The following PCNX1 variants were observed in gnomAD, a reference collection of about 807,000 sequenced individuals.
PCNX1 encodes pecanex-like protein 1.
A neutral mutation model predicts 242.2 loss-of-function variants in PCNX1; 78 were observed. The ratio of observed to expected loss-of-function variants is 0.32; its 90% confidence interval spans 0.27 to 0.39. The LOEUF (loss-of-function observed/expected upper bound fraction) is 0.39. Ranked by LOEUF, PCNX1 falls within the 10% of genes least tolerant of loss-of-function variation. PCNX1 has a pLI of 1.00. For synonymous variants in PCNX1, 1,024 were observed against 1,032.9 expected, an observed-to-expected ratio of 0.99 and a Z score of 0.17; for missense variants, 2,581 against 2,856.5, an observed-to-expected ratio of 0.90 and a Z score of 2.20.
chr14:71,071,435 G>A (rs2061584238), intron 26 of PCNX1, among the ~76,000 whole-genome samples: 1 of 152,188 alleles, frequency 6.6e-6, no homozygotes, highest in South Asian at 2.1e-4. Context: ...GTAATACCCA[G>A]TGTTGGAGGA....
At chr14:71,018,971 C>G in intron 11 of PCNX1, 38 bp from the exon 12 acceptor site, 1 of 1,540,132 alleles carries the variant, frequency 6.5e-7, no homozygotes, top group East Asian at 2.3e-5. Flanking sequence ...ATTTCTTATA[C>G]TTAAGATATA....
intron 3 of PCNX1, among the ~76,000 whole-genome samples, chr14:70,966,454 G>A (rs185262759): frequency 2.0e-5 from 3 of 152,278 alleles, no homozygotes; most frequent in Admixed American, 1.3e-4. Flanking sequence ...TGAAAAGTTA[G>A]GAAGCAAGCA....
At chr14:70,982,961 C>T (rs2058883629) in intron 6 of PCNX1, among the ~76,000 whole-genome samples, 1 of 152,180 alleles carries the variant, frequency 6.6e-6, no homozygotes, top group Non-Finnish European at 1.5e-5. Flanking sequence ...GAGCTTAAAC[C>T]TAATGACTGT....
chr14:70,927,880 G>A (rs145036687), intron 1 of PCNX1, among the ~76,000 whole-genome samples: 1,888 of 152,116 alleles, frequency 0.012, 16 homozygotes, highest in African/African-American at 0.019. Context: ...GAGCCACTGC[G>A]CCAGGCCTGA....
At chr14:70,967,765 G>A (rs1355808374) in intron 3 of PCNX1, among the ~76,000 whole-genome samples, 2 of 152,182 alleles carry the variant, frequency 1.3e-5, no homozygotes, top group African/African-American at 2.4e-5. Context: ...ACTTTGTAGT[G>A]TATGTTAATG....
intron 2 of PCNX1, among the ~76,000 whole-genome samples, chr14:70,953,076 T>G (rs2057850449): frequency 6.6e-6 from 1 of 152,100 alleles, no homozygotes; most frequent in Non-Finnish European, 1.5e-5. Flanking sequence ...CAGATCAGTT[T>G]GGGCAACATA....
intron 8 of PCNX1, among the ~76,000 whole-genome samples, chr14:71,000,073 A>G (rs1423167125): frequency 6.6e-6 from 1 of 152,206 alleles, no homozygotes; most frequent in Non-Finnish European, 1.5e-5. Context: ...GTACAAAAAA[A>G]TAATAAATTC....
intron 1 of PCNX1, among the ~76,000 whole-genome samples, chr14:70,926,713 C>A (rs1300843696): frequency 6.6e-6 from 1 of 152,020 alleles, no homozygotes; most frequent in East Asian, 1.9e-4. Flanking sequence ...GTGGTGTTAC[C>A]CTCAAGGGGG....
intron 2 of PCNX1, among the ~76,000 whole-genome samples, chr14:70,960,501 T>C (rs2140462221): frequency 6.6e-6 from 1 of 152,254 alleles, no homozygotes; most frequent in Non-Finnish European, 1.5e-5. Context: ...AAATTAGGTA[T>C]CGATGGGACG....
chr14:71,061,460 A>G (rs2061323913), intron 26 of PCNX1, among the ~76,000 whole-genome samples: 1 of 152,192 alleles, frequency 6.6e-6, no homozygotes, highest in South Asian at 2.1e-4. Context: ...TTATCCCGGT[A>G]TCAAAGTGGT....
chr14:70,985,447 C>A (rs985126269), intron 6 of PCNX1, among the ~76,000 whole-genome samples: 2 of 152,148 alleles, frequency 1.3e-5, no homozygotes, highest in Non-Finnish European at 2.9e-5. Flanking sequence ...CTCCTGACTT[C>A]AGGTGATCCA....
intron 1 of PCNX1, among the ~76,000 whole-genome samples, chr14:70,926,599 A>G (rs12889463): frequency 0.069 from 10,522 of 152,184 alleles, 480 homozygotes; most frequent in East Asian, 0.27. Flanking sequence ...TAAACCTCCT[A>G]TAATGCACAT....
At chr14:71,001,825 C>T (rs1460492068) in intron 8 of PCNX1, among the ~76,000 whole-genome samples, 1 of 152,170 alleles carries the variant, frequency 6.6e-6, no homozygotes, top group Non-Finnish European at 1.5e-5. Context: ...GGATCTATTT[C>T]TGTCATGATG....
At chr14:70,933,507 G>A (rs2056882392) in intron 1 of PCNX1, among the ~76,000 whole-genome samples, 2 of 152,266 alleles carry the variant, frequency 1.3e-5, no homozygotes, top group South Asian at 2.1e-4. Context: ...TATAAATGAG[G>A]TTTTATTGGA....
intron 26 of PCNX1, among the ~76,000 whole-genome samples, chr14:71,063,329 G>T (rs1341048244): frequency 6.6e-6 from 1 of 152,082 alleles, no homozygotes; most frequent in Non-Finnish European, 1.5e-5. Flanking sequence ...TTTGGCCCTG[G>T]GCTGAAGTTG....
chr14:71,010,919 A>G (rs1369379147), intron 9 of PCNX1, among the ~76,000 whole-genome samples: 2 of 152,050 alleles, frequency 1.3e-5, no homozygotes, highest in Non-Finnish European at 2.9e-5. Context: ...TTCAGAATTC[A>G]CCCTCTCAAA....
At chr14:71,043,878 G>A (rs555808160) in intron 19 of PCNX1, among the ~76,000 whole-genome samples, 1 of 152,058 alleles carries the variant, frequency 6.6e-6, no homozygotes, top group Non-Finnish European at 1.5e-5. Flanking sequence ...TCCTTTGGAG[G>A]TGTTACATTT....
chr14:70,910,577 C>T (rs546279779), intron 1 of PCNX1, among the ~76,000 whole-genome samples: 14 of 152,232 alleles, frequency 9.2e-5, no homozygotes, highest in African/African-American at 2.9e-4. Flanking sequence ...TGCAGGTTCT[C>T]ATATACGTGA....
intron 19 of PCNX1, among the ~76,000 whole-genome samples, chr14:71,043,461 T>C (rs2060769233): frequency 6.6e-6 from 1 of 152,070 alleles, no homozygotes; most frequent in South Asian, 2.1e-4. Flanking sequence ...CTGTCACATA[T>C]ATCATGTAAG....
Sources: gnomAD v4.1 joint callset for allele counts (sites outside exome capture counted in the v4.1 genomes callset) on GRCh38, gnomAD v4.1.1 for gene constraint, MANE v1.5 for transcripts, NCBI Gene and HGNC (gene_info 2026-07-23, HGNC 2026-07-21) for gene names.